Variants in MTOR observed in about 807,000 individuals in gnomAD.
MTOR encodes serine/threonine-protein kinase mTOR.
In MTOR, 70 loss-of-function variants were observed where a neutral mutation model predicts 319.8. The observed-to-expected ratio is 0.22, with a 90% CI of 0.18 to 0.27. The LOEUF (loss-of-function observed/expected upper bound fraction) is 0.27. Among genes scored for constraint, MTOR ranks in the 10% least tolerant of loss-of-function variants. The pLI, the probability that MTOR is intolerant of heterozygous loss-of-function variation, is 1.00. For synonymous variants in MTOR, 1,183 were observed against 1,211.4 expected (o/e 0.98, Z 0.49); for missense variants, 1,890 against 3,274.4 (o/e 0.58, Z 10.32).
At chr1:11,153,020 T>A (rs1273694698) in intron 30 of MTOR, among the ~76,000 whole-genome samples, 1 of 152,218 alleles carries the variant, frequency 6.6e-6, no homozygotes, top group Admixed American at 6.5e-5. Flanking sequence ...AGGAGATCGA[T>A]ATCACTCAGC....
chr1:11,243,371 C>G, intron 8 of MTOR, 71 bp from the exon 9 acceptor site: 1 of 1,396,084 alleles, frequency 7.2e-7, no homozygotes, highest in Non-Finnish European at 9.9e-7. Flanking sequence ...AGTCAAAGGT[C>G]CTATAAAGCA....
intron 19 of MTOR, among the ~76,000 whole-genome samples, chr1:11,225,422 C>CTT (rs201304113): frequency 4.6e-4 from 63 of 137,082 alleles, no homozygotes; most frequent in African/African-American, 1.5e-3. Context: ...AAAATTGGTT[C>CTT]TTTTTTTTTT....
intron 24 of MTOR, among the ~76,000 whole-genome samples, chr1:11,210,122 C>A (rs1646262756): frequency 6.6e-6 from 1 of 152,146 alleles, no homozygotes; most frequent in South Asian, 2.1e-4. Flanking sequence ...CCCGCCTCAG[C>A]CTCTCAAAGT....
rs1387190189 is a variant in MTOR, at chr1:11,146,800, A to G, written c.4571-9T>C. ...CATGCTGTCCCACTGACCTATACAC[A>G]CACACATAGACAGAAAGCATCAAGG... On this transcript the variant is annotated splice_polypyrimidine_tract_variant and intron_variant, in intron 31 of 57. Coordinates refer to ENST00000361445, the MANE Select transcript of MTOR (RefSeq NM_004958.4). 1.3e-6 allele frequency: 2 copies of G among 1,599,190 alleles called. No individual in the cohort carries two copies. Among genetic ancestry groups the G allele is most frequent in the Non-Finnish European group, 1.7e-6 (2 of 1,166,492 alleles).
chr1:11,194,486 C>T (rs1201984478), intron 28 of MTOR: 2 of 1,614,170 alleles, frequency 1.2e-6, no homozygotes, highest in Non-Finnish European at 1.7e-6. Flanking sequence ...CTGCGCTACG[C>T]TGAGTATAGC....
At chr1:11,255,810 G>A (rs986088468) in intron 5 of MTOR, among the ~76,000 whole-genome samples, 182 bp downstream of exon 5, 3 of 140,774 alleles carry the variant, frequency 2.1e-5, no homozygotes, top group Admixed American at 8.0e-5. Context: ...TTGCGCCACT[G>A]CACTCCAGCC....
intron 11 of MTOR, 115 bp downstream of exon 11, chr1:11,240,176 TGCTACAGAATCA>T: frequency 7.7e-7 from 1 of 1,291,806 alleles, no homozygotes; most frequent in Non-Finnish European, 1.0e-6. Flanking sequence ...AAGGATGAGC[TGCTACAGAATCA>T]GCTACCCTGT....
chr1:11,137,002 C>T (rs949268175), intron 36 of MTOR, among the ~76,000 whole-genome samples: 3 of 151,368 alleles, frequency 2.0e-5, no homozygotes, highest in South Asian at 2.1e-4. Context: ...TCACCACACC[C>T]GGCTAATTTT....
At chr1:11,226,708 A>C (rs1238123627) in intron 19 of MTOR, among the ~76,000 whole-genome samples, 1 of 151,994 alleles carries the variant, frequency 6.6e-6, no homozygotes, top group Admixed American at 6.6e-5. Context: ...CAGGAGGTGG[A>C]GGTTGCAGTG....
At chr1:11,137,640 C>G (rs989695331) in intron 36 of MTOR, among the ~76,000 whole-genome samples, 1 of 152,272 alleles carries the variant, frequency 6.6e-6, no homozygotes, top group East Asian at 1.9e-4. Context: ...AGGATTTTAG[C>G]TAGGCACAAT....
intron 34 of MTOR, among the ~76,000 whole-genome samples, chr1:11,142,092 C>A (rs1466982519): frequency 6.6e-6 from 1 of 152,112 alleles, no homozygotes; most frequent in Non-Finnish European, 1.5e-5. Context: ...CATCTAACAA[C>A]TATAGAGAGT....
intron 15 of MTOR, among the ~76,000 whole-genome samples, 184 bp from the exon 16 acceptor site, chr1:11,232,712 T>C (rs1415505687): frequency 6.6e-6 from 1 of 151,816 alleles, no homozygotes; most frequent in African/African-American, 2.4e-5. Flanking sequence ...CCATCTCTAC[T>C]AAAAATACAA....
intron 28 of MTOR, among the ~76,000 whole-genome samples, chr1:11,176,622 T>C (rs556335675): frequency 6.6e-6 from 1 of 152,180 alleles, no homozygotes; most frequent in Non-Finnish European, 1.5e-5. Context: ...TCACAGCTGA[T>C]GGGGCTGTGG....
chr1:11,202,934 G>A (rs903903015), intron 26 of MTOR, among the ~76,000 whole-genome samples: 3 of 151,382 alleles, frequency 2.0e-5, no homozygotes, highest in South Asian at 2.1e-4. Context: ...AAAACCAGGC[G>A]GGGCGTGGTG....
chr1:11,262,230 G>A, intron 1 of MTOR, among the ~76,000 whole-genome samples: 1 of 152,234 alleles, frequency 6.6e-6, no homozygotes, highest in East Asian at 1.9e-4. Context: ...ACCGCGGGCC[G>A]AAGGGTCCAG....
At position 11,146,708 on chromosome 1, in the gene MTOR, G is replaced by A; in HGVS notation, c.4654C>T (p.Leu1552=). 1 of 1,614,098 alleles carries A rather than the reference G, an allele frequency of 6.2e-7. No homozygotes were observed. The highest frequency in any genetic ancestry group is 1.3e-5 in the African/African-American group (1 of 75,006). The change falls in exon 32 of 58, where the codon CTG becomes TTG. Residue 1552 remains leucine (L), a synonymous_variant. Coordinates refer to ENST00000361445, the MANE Select transcript of MTOR (RefSeq NM_004958.4). ...DGAFYRAVLA[L]HQDLFSLAQQ... is the part of the protein sequence containing the mutation. ...GCCAAGGAGAAGAGGTCCTGATGCAGTGCCAGCACAGCTCTATAAAATGCC... is the reference window on the plus strand; with the variant it reads ...GCCAAGGAGAAGAGGTCCTGATGCAATGCCAGCACAGCTCTATAAAATGCC...
At chr1:11,131,005 G>C in intron 38 of MTOR, 1 of 604,544 alleles carries the variant, frequency 1.7e-6, no homozygotes, top group Non-Finnish European at 2.9e-6. Flanking sequence ...ACTGCGAGAA[G>C]GGCACAGCAA....
chr1:11,253,775 G>A (rs1650009489), intron 6 of MTOR, 64 bp downstream of exon 6: 14 of 1,591,944 alleles, frequency 8.8e-6, no homozygotes, highest in Admixed American at 1.7e-5. Flanking sequence ...CATGGATCTC[G>A]CCTTGCCTCG....
In MTOR at chr1:11,121,126, C is replaced by T. The variant is rs909817208; in HGVS notation, c.6933+120G>A. The T allele has an allele frequency of 5.3e-5, 72 of 1,358,708 alleles. No individual in the cohort carries two copies. The highest frequency in any genetic ancestry group is 6.2e-5 in the Non-Finnish European group (63 of 1,015,992). 84.2% of individuals were successfully genotyped at this position (1,358,708 alleles called of 1,614,324 possible). On this transcript the variant is annotated intron_variant, in intron 49 of 57. Coordinates refer to ENST00000361445, the MANE Select transcript of MTOR (RefSeq NM_004958.4). The surrounding 1 kb of genome is among the most constrained non-coding windows in gnomAD (Gnocchi z 4.9). ...CATTTTTGTTAGAAAAGTCTGGACACGCTCTACAGCCAATCACAGCAAAGA... is the reference window on the plus strand; with the variant it reads ...CATTTTTGTTAGAAAAGTCTGGACATGCTCTACAGCCAATCACAGCAAAGA...
Sources: allele counts gnomAD v4.1 joint callset (sites outside exome capture counted in the v4.1 genomes callset), GRCh38; gene constraint gnomAD v4.1.1; non-coding constraint Gnocchi (gnomAD v3.1); transcripts MANE v1.5; gene names NCBI Gene and HGNC (gene_info 2026-07-23, HGNC 2026-07-21).